Variants in ZDHHC21 observed in about 807,000 individuals in gnomAD.
ZDHHC21 encodes zDHHC palmitoyltransferase 21.
ZDHHC21 carries 15 observed loss-of-function variants against 34.6 expected under a neutral mutation model. The observed-to-expected ratio is 0.43, with a 90% CI of 0.29 to 0.67. ZDHHC21 has a LOEUF of 0.67. Ranked by LOEUF, ZDHHC21 falls within the 30% of genes least tolerant of loss-of-function variation. The pLI is 0.14. For synonymous variants in ZDHHC21, 142 were observed against 101.8 expected (o/e 1.40, Z -2.38); for missense variants, 344 against 327.7 (o/e 1.05, Z -0.38).
downstream of ZDHHC21, among the ~76,000 whole-genome samples, chr9:14,606,169 C>T (rs916459333): frequency 2.6e-5 from 4 of 152,134 alleles, no homozygotes; most frequent in Admixed American, 2.6e-4. Flanking sequence ...ATGTCCTCAA[C>T]AATATCTCCC....
intron 8 of ZDHHC21, among the ~76,000 whole-genome samples, chr9:14,637,681 G>T (rs1201538221): frequency 6.6e-6 from 1 of 151,904 alleles, no homozygotes; most frequent in African/African-American, 2.4e-5. Context: ...ATTCGGTAAA[G>T]TCACAGGATA....
chr9:14,608,669 T>C (rs1704981118), downstream of ZDHHC21, among the ~76,000 whole-genome samples: 1 of 152,134 alleles, frequency 6.6e-6, no homozygotes, highest in Admixed American at 6.6e-5. Flanking sequence ...TATTTTTTTT[T>C]TTCAAGCTAA....
intron 2 of ZDHHC21, among the ~76,000 whole-genome samples, chr9:14,683,061 T>C (rs919678833): frequency 8.6e-5 from 13 of 151,750 alleles, no homozygotes; most frequent in African/African-American, 2.9e-4. Flanking sequence ...TTTATAGCAC[T>C]AAATGCCCAC....
chr9:14,632,356 G>A (rs1368232767), intron 8 of ZDHHC21, among the ~76,000 whole-genome samples: 1 of 152,028 alleles, frequency 6.6e-6, no homozygotes, highest in Non-Finnish European at 1.5e-5. Context: ...GGAAAGAATT[G>A]TCTTTGCAAG....
chr9:14,620,032 T>C (rs1825015293), intron 8 of ZDHHC21, among the ~76,000 whole-genome samples: 1 of 151,964 alleles, frequency 6.6e-6, no homozygotes, highest in South Asian at 2.1e-4. Context: ...TGAATATGCA[T>C]TAAAAAATAA....
chr9:14,643,305 T>C (rs1191303759), intron 7 of ZDHHC21, among the ~76,000 whole-genome samples: 1 of 152,036 alleles, frequency 6.6e-6, no homozygotes, highest in African/African-American at 2.4e-5. Context: ...TCTCAAGAAT[T>C]AGAACATCTG....
intron 7 of ZDHHC21, among the ~76,000 whole-genome samples, chr9:14,649,572 G>A (rs1020800367): frequency 6.6e-6 from 1 of 151,972 alleles, no homozygotes; most frequent in Non-Finnish European, 1.5e-5. Context: ...CCAACGCTCA[G>A]GTAAAATGTA....
the ZDHHC21 span, among the ~76,000 whole-genome samples, chr9:14,599,734 T>C: frequency 6.6e-6 from 1 of 152,030 alleles, no homozygotes; most frequent in African/African-American, 2.4e-5. Flanking sequence ...CACAGCAGTC[T>C]GAAGTCAACC....
At chr9:14,680,595 T>C (rs1012317322) in intron 2 of ZDHHC21, among the ~76,000 whole-genome samples, 1 of 139,402 alleles carries the variant, frequency 7.2e-6, no homozygotes, top group Non-Finnish European at 1.6e-5. Flanking sequence ...AATGAAGCCA[T>C]TAAGAGAGTC....
Position 14,618,859 on chromosome 9 carries a change from T to C in ZDHHC21, c.*107A>G. 2.3e-6 allele frequency: 3 copies of C among 1,294,058 alleles called. No individual in the cohort carries two copies. Among genetic ancestry groups the C allele is most frequent in the Non-Finnish European group, 3.1e-6 (3 of 979,562 alleles). The allele number at this position is 1,294,058 out of a possible 1,614,324, so 80.2% of individuals were successfully genotyped here. A position where few individuals can be genotyped will look rare whatever the true frequency, so the allele number is the denominator to read the frequency against. ...TGGGGCACATTATGATGCCTAAGAC[T>C]GGTGGGTGGATTTTAATTGACTTGA... On this transcript the variant is annotated 3_prime_UTR_variant, in exon 10 of 10. Transcript: ENST00000380916.
chr9:14,669,709 G>A (rs12682675), intron 5 of ZDHHC21, among the ~76,000 whole-genome samples: 18 of 149,548 alleles, frequency 1.2e-4, no homozygotes, highest in Admixed American at 2.0e-4. Flanking sequence ...TTGTAGGGAC[G>A]TGGATGAAAT....
intron 2 of ZDHHC21, among the ~76,000 whole-genome samples, chr9:14,687,859 C>T (rs1443774151): frequency 6.6e-6 from 1 of 150,614 alleles, no homozygotes; most frequent in Non-Finnish European, 1.5e-5. Context: ...ATTTTTTTTC[C>T]ACAGTGCCAA....
chr9:14,685,883 G>T (rs1008808394), intron 2 of ZDHHC21, among the ~76,000 whole-genome samples: 11 of 152,136 alleles, frequency 7.2e-5, no homozygotes, highest in Admixed American at 3.3e-4. Context: ...CCATAAAAAA[G>T]GATGAGTTCA....
chr9:14,593,420 A>G, the ZDHHC21 span, among the ~76,000 whole-genome samples: 2 of 152,208 alleles, frequency 1.3e-5, no homozygotes, highest in East Asian at 1.9e-4. Flanking sequence ...CCTAGAAAAT[A>G]CATAAATTTC....
At chr9:14,665,544 T>A (rs998526268) in intron 5 of ZDHHC21, among the ~76,000 whole-genome samples, 1 of 151,598 alleles carries the variant, frequency 6.6e-6, no homozygotes, top group African/African-American at 2.4e-5. Flanking sequence ...GACACATAAT[T>A]GTCAGATTCA....
In ZDHHC21 at chr9:14,658,828, G is replaced by C. The variant is rs779359204; in HGVS notation, c.425C>G (p.Thr142Ser). ...HWLFLQLCFY[T>S]ELLTCYALMF... The stretch of plus-strand genomic sequence containing the variant: ...CAGTGCGTAGCAAGTAAGAAGTTCA[G>C]TGTAGAAACACAACTGCAGAAAGAG... The change falls in exon 7 of 10, where the codon ACT becomes AGT. Residue 142 changes from threonine (T) to serine (S), a missense_variant. By Grantham distance (58) the Thr-to-Ser change is moderately conservative. Transcript: ENST00000380916. 3.7e-6 allele frequency: 6 copies of C among 1,613,488 alleles called. No homozygotes were observed. In the African/African-American group the frequency reaches 5.3e-5, roughly 14 times the overall value.
the ZDHHC21 span, among the ~76,000 whole-genome samples, chr9:14,603,654 G>A: frequency 3.3e-5 from 5 of 152,080 alleles, no homozygotes; most frequent in African/African-American, 1.2e-4. Flanking sequence ...ATCTTGATTT[G>A]CTAGATAAAT....
At chr9:14,603,289 C>T in the ZDHHC21 span, among the ~76,000 whole-genome samples, 261 of 152,004 alleles carry the variant, frequency 1.7e-3, no homozygotes, top group African/African-American at 5.9e-3. Context: ...GAAATAAAAA[C>T]ATAAATTCTT....
chr9:14,656,186 C>A (rs1050187711), intron 7 of ZDHHC21, among the ~76,000 whole-genome samples: 2 of 151,878 alleles, frequency 1.3e-5, no homozygotes, highest in African/African-American at 4.8e-5. Flanking sequence ...TGACTAACTA[C>A]TGAACATTCA....
Sources: gnomAD v4.1 joint callset for allele counts (sites outside exome capture counted in the v4.1 genomes callset) on GRCh38, gnomAD v4.1.1 for gene constraint, MANE v1.5 for transcripts, NCBI Gene and HGNC (gene_info 2026-07-23, HGNC 2026-07-21) for gene names.